Variants in AGBL1 observed in about 807,000 individuals in gnomAD.
The protein encoded by AGBL1 is AGBL carboxypeptidase 1, also known as cytosolic carboxypeptidase 4.
Under a neutral mutation model 118.9 loss-of-function variants are expected in AGBL1, and 130 were observed. The observed-to-expected ratio is 1.09, with a 90% confidence interval of 0.95 to 1.26. AGBL1 has a LOEUF of 1.26. AGBL1 is among the 50% of genes most tolerant of loss of function. The probability of loss-of-function intolerance (pLI) is 0.00; values close to 1 mark genes in which losing one functional copy is unlikely to be tolerated. For missense variants in AGBL1, 1,584 were observed against 1,298.1 expected (o/e 1.22, Z -3.38); for synonymous variants, 555 against 478.9 (o/e 1.16, Z -2.08).
In AGBL1 at chr15:86,652,985, T is replaced by C. The variant is rs181967029; in HGVS notation, c.2995-21288T>C. On this transcript the variant is annotated intron_variant, in intron 21 of 22. Transcript: ENST00000614907. ...ACGGTCCCCATAACAAATAATTTTATGACCCAAATGTCAATAGTGCTGATG... is the reference window on the plus strand; with the variant it reads ...ACGGTCCCCATAACAAATAATTTTACGACCCAAATGTCAATAGTGCTGATG... Among the ~76,000 whole-genome samples the C allele has an allele frequency of 1.1e-4, 16 of 152,328 alleles. No individual in the cohort carries two copies. The East Asian group carries it at 3.1e-3, about 29-fold the overall frequency.
intron 22 of AGBL1, among the ~76,000 whole-genome samples, chr15:86,858,119 TG>T (rs947757566): frequency 1.3e-5 from 2 of 152,186 alleles, no homozygotes; most frequent in African/African-American, 4.8e-5. Context: ...AAGGCCATGC[TG>T]GGGATACAAT....
chr15:86,485,454 A>G (rs1684428722), intron 18 of AGBL1, among the ~76,000 whole-genome samples: 1 of 152,128 alleles, frequency 6.6e-6, no homozygotes. Context: ...TATAGTAAAT[A>G]TTTTAAGTTT....
Position 86,309,226 on chromosome 15 carries a change from A to G in AGBL1, c.2374+13818A>G, listed in dbSNP as rs72754225. Reference sequence around the variant, plus strand: ...CTTTCAAATAGTTTGTTGTCAGTGTATAGAAACACTGCTGATTTTTGTATG... The same window carrying G: ...CTTTCAAATAGTTTGTTGTCAGTGTGTAGAAACACTGCTGATTTTTGTATG... On this transcript the variant is annotated intron_variant, in intron 17 of 22. Coordinates refer to ENST00000614907, the MANE Select transcript of AGBL1 (RefSeq NM_001386094.1). 4.5e-3 allele frequency among the ~76,000 whole-genome samples: 684 copies of G among 152,288 alleles called. 6 individuals are homozygous for G. Among genetic ancestry groups the G allele is most frequent in the Non-Finnish European group, 7.1e-3 (485 of 68,004 alleles).
chr15:86,183,370 C>G (rs559097644), intron 5 of AGBL1, among the ~76,000 whole-genome samples: 12 of 152,182 alleles, frequency 7.9e-5, no homozygotes, highest in African/African-American at 2.9e-4. Flanking sequence ...GTATTCAATC[C>G]AATACCCTCA....
intron 19 of AGBL1, among the ~76,000 whole-genome samples, chr15:86,531,816 C>T (rs939462461): frequency 1.4e-5 from 2 of 138,170 alleles, no homozygotes; most frequent in African/African-American, 5.6e-5. Flanking sequence ...ATACGCAAAT[C>T]AATAAATGTA....
rs556094157 is a variant in AGBL1, at chr15:86,321,614, CA to C, written c.2374+26219del. Among the ~76,000 whole-genome samples the C allele has an allele frequency of 9.9e-3, 1,341 of 135,078 alleles. 8 individuals are homozygous for C. The highest frequency in any genetic ancestry group is 0.027 in the African/African-American group (1,001 of 36,628). 88.6% of individuals were successfully genotyped at this position (135,078 alleles called of 152,430 possible). On this transcript the variant is annotated intron_variant, in intron 17 of 22. Coordinates refer to ENST00000614907, the MANE Select transcript of AGBL1 (RefSeq NM_001386094.1). Reference sequence around the variant, plus strand: ...CAAAAACCCGTCTATATTAAAAATACAAAAAAAAAAAAATTAGTTGAGCATG... The same window carrying C: ...CAAAAACCCGTCTATATTAAAAATACAAAAAAAAAAAATTAGTTGAGCATG...
chr15:86,578,757 C>A (rs1169597542), intron 21 of AGBL1, among the ~76,000 whole-genome samples: 1 of 152,114 alleles, frequency 6.6e-6, no homozygotes, highest in African/African-American at 2.4e-5. Flanking sequence ...CTCTTTTTGC[C>A]TCTTGCCATC....
At chr15:86,398,322 A>G (rs895944137) in intron 18 of AGBL1, among the ~76,000 whole-genome samples, 1 of 152,194 alleles carries the variant, frequency 6.6e-6, no homozygotes, top group Non-Finnish European at 1.5e-5. Flanking sequence ...GGGTGACAGG[A>G]TTAACATCCA....
chr15:86,745,182 A>G (rs1335312242), intron 22 of AGBL1, among the ~76,000 whole-genome samples: 1 of 152,154 alleles, frequency 6.6e-6, no homozygotes, highest in Non-Finnish European at 1.5e-5. Flanking sequence ...AAGAATAAAC[A>G]TATAGATAAT....
At chr15:86,673,121 CT>C (rs1320837663) in intron 21 of AGBL1, among the ~76,000 whole-genome samples, 11 of 152,216 alleles carry the variant, frequency 7.2e-5, no homozygotes, top group African/African-American at 2.4e-4. Context: ...GTCAAATGTA[CT>C]TTATAAACAG....
chr15:86,739,571 A>T (rs1019542583), intron 22 of AGBL1, among the ~76,000 whole-genome samples: 1 of 150,718 alleles, frequency 6.6e-6, no homozygotes, highest in African/African-American at 2.4e-5. Context: ...GAAAACCATG[A>T]TTTGCAATCT....
chr15:86,559,816 C>T (rs2083788178), intron 21 of AGBL1, among the ~76,000 whole-genome samples: 1 of 152,022 alleles, frequency 6.6e-6, no homozygotes, highest in Non-Finnish European at 1.5e-5. Flanking sequence ...GGGATCTTTG[C>T]TTTTACCTCG....
chr15:86,946,156 A>C (rs1479684714), intron 23 of AGBL1: 1 of 152,190 alleles, frequency 6.6e-6, no homozygotes, highest in Non-Finnish European at 1.5e-5. Flanking sequence ...CCGGGTCACT[A>C]ATTATGATGC....
At chr15:86,841,841 C>T (rs1222979159) in intron 22 of AGBL1, among the ~76,000 whole-genome samples, 1 of 151,968 alleles carries the variant, frequency 6.6e-6, no homozygotes, top group Non-Finnish European at 1.5e-5. Flanking sequence ...GAGTGAAACT[C>T]CATCTCAAAA....
intron 24 of AGBL1, among the ~76,000 whole-genome samples, chr15:87,019,533 A>C (rs528133231): frequency 6.6e-6 from 1 of 152,136 alleles, no homozygotes; most frequent in Non-Finnish European, 1.5e-5. Flanking sequence ...TTGGGTAAAC[A>C]ATCAACTTAA....
intron 19 of AGBL1, among the ~76,000 whole-genome samples, chr15:86,540,473 C>CA (rs1267523912): frequency 2.0e-5 from 3 of 152,038 alleles, no homozygotes; most frequent in African/African-American, 7.2e-5. Flanking sequence ...CAGGCACCTG[C>CA]AGTCCTGGCT....
At chr15:86,951,661 A>T (rs1020961039) in intron 23 of AGBL1, among the ~76,000 whole-genome samples, 2 of 152,186 alleles carry the variant, frequency 1.3e-5, no homozygotes, top group Non-Finnish European at 2.9e-5. Flanking sequence ...TGCTAAGATG[A>T]GACACAAAGG....
At chr15:86,254,088 G>C (rs566456712) in intron 7 of AGBL1, among the ~76,000 whole-genome samples, 245 of 152,290 alleles carry the variant, frequency 1.6e-3, no homozygotes, top group African/African-American at 5.7e-3. Context: ...TCTTAGTCAA[G>C]GTCCTTTTCC....
chr15:86,513,748 C>T lies in AGBL1; in HGVS notation c.2556-9062C>T, dbSNP rs892558075. 2.8e-4 allele frequency among the ~76,000 whole-genome samples: 42 copies of T among 152,152 alleles called. 1 individual carries two copies. The highest frequency in any genetic ancestry group is 9.2e-4 in the Admixed American group (14 of 15,282). On this transcript the variant is annotated intron_variant, in intron 18 of 22. Transcript: ENST00000614907. ...ATTAAGAGCTATTCCTTCTTCCCTA[C>T]TTATTTATTTAAATCACTATGAATT...
Sources: allele counts gnomAD v4.1 joint callset (sites outside exome capture counted in the v4.1 genomes callset), GRCh38; gene constraint gnomAD v4.1.1; transcripts MANE v1.5; gene names NCBI Gene and HGNC (gene_info 2026-07-23, HGNC 2026-07-21).